Variants in MBNL2 observed in about 807,000 individuals in gnomAD.
MBNL2 encodes the protein muscleblind-like protein 2.
In MBNL2, 17 loss-of-function variants were observed where a neutral mutation model predicts 41.9. The ratio of observed to expected loss-of-function variants is 0.41; its 90% CI spans 0.28 to 0.61. The LOEUF (loss-of-function observed/expected upper bound fraction) is 0.61. Ranked by LOEUF, MBNL2 falls within the 20% of genes least tolerant of loss-of-function variation. The pLI is 0.35. For synonymous variants in MBNL2, 195 were observed against 182.9 expected, an observed-to-expected ratio of 1.07 and a Z score of -0.53; for missense variants, 336 against 505.6, an observed-to-expected ratio of 0.66 and a Z score of 3.22.
intron 2 of MBNL2, among the ~76,000 whole-genome samples, chr13:97,286,427 C>A (rs2054455165): frequency 6.6e-6 from 1 of 152,202 alleles, no homozygotes; most frequent in African/African-American, 2.4e-5. Context: ...TCACTTCTAT[C>A]ATGACCACCC....
upstream of MBNL2, among the ~76,000 whole-genome samples, chr13:97,218,268 G>A (rs565040568): frequency 6.6e-6 from 1 of 152,060 alleles, no homozygotes; most frequent in African/African-American, 2.4e-5. Flanking sequence ...AAATTAGCTG[G>A]GCGTGGTGGC....
the MBNL2 span, among the ~76,000 whole-genome samples, chr13:97,208,303 G>A: frequency 2.0e-5 from 3 of 152,136 alleles, no homozygotes; most frequent in Non-Finnish European, 4.4e-5. Flanking sequence ...GCAGGAAAAC[G>A]ATGAGAAAGA....
chr13:97,361,209 C>T (rs17190210), intron 7 of MBNL2, among the ~76,000 whole-genome samples: 33,517 of 152,046 alleles, frequency 0.22, 4,372 homozygotes, highest in Non-Finnish European at 0.3. Context: ...AGCATGTGCA[C>T]CAGGTGGTGG....
chr13:97,174,316 C>T, the MBNL2 span, among the ~76,000 whole-genome samples: 1 of 152,184 alleles, frequency 6.6e-6, no homozygotes, highest in African/African-American at 2.4e-5. Flanking sequence ...CTTCTGGTTA[C>T]ACAGAAAAGT....
chr13:97,382,123 T>A (rs2065503777), intron 8 of MBNL2, among the ~76,000 whole-genome samples: 1 of 152,220 alleles, frequency 6.6e-6, no homozygotes, highest in South Asian at 2.1e-4. Flanking sequence ...ATATTTTTTC[T>A]TGATTTAGTA....
At chr13:97,264,180 A>T (rs958697775) in intron 1 of MBNL2, among the ~76,000 whole-genome samples, 1 of 151,612 alleles carries the variant, frequency 6.6e-6, no homozygotes, top group Admixed American at 6.6e-5. Context: ...GGTTCCCGCC[A>T]CCACGCCCAG....
the MBNL2 span, among the ~76,000 whole-genome samples, chr13:97,208,740 C>T: frequency 1.3e-5 from 2 of 152,196 alleles, no homozygotes; most frequent in African/African-American, 4.8e-5. Context: ...CATTCACCTT[C>T]CTCAACCCTA....
chr13:97,147,229 T>C, the MBNL2 span, among the ~76,000 whole-genome samples: 1 of 152,226 alleles, frequency 6.6e-6, no homozygotes, highest in Non-Finnish European at 1.5e-5. Flanking sequence ...GTCTGTTCAC[T>C]TTATATTATT....
At chr13:97,317,077 T>A (rs1382892535) in intron 2 of MBNL2, among the ~76,000 whole-genome samples, 1 of 152,036 alleles carries the variant, frequency 6.6e-6, no homozygotes, top group African/African-American at 2.4e-5. Flanking sequence ...ACAATGCCAG[T>A]GGGAACGGAA....
the MBNL2 span, among the ~76,000 whole-genome samples, chr13:97,204,677 C>T: frequency 5.7e-4 from 87 of 152,098 alleles, no homozygotes; most frequent in African/African-American, 2.0e-3. Flanking sequence ...ATTTAGAAAA[C>T]GTTTTCTTCT....
chr13:97,151,426 G>A, the MBNL2 span, among the ~76,000 whole-genome samples: 20 of 152,208 alleles, frequency 1.3e-4, no homozygotes, highest in African/African-American at 4.8e-4. Flanking sequence ...TCTAGCATGG[G>A]AAAACACCAT....
chr13:97,337,413 T>C (rs2060979924), intron 3 of MBNL2, among the ~76,000 whole-genome samples: 1 of 152,186 alleles, frequency 6.6e-6, no homozygotes, highest in Non-Finnish European at 1.5e-5. Context: ...GATGAATCTC[T>C]CCTTTGTTAA....
At chr13:97,286,678 C>T (rs1021804081) in intron 2 of MBNL2, among the ~76,000 whole-genome samples, 1 of 152,228 alleles carries the variant, frequency 6.6e-6, no homozygotes, top group Admixed American at 6.5e-5. Context: ...CCCAGCCCCC[C>T]ACACTGTGCT....
intron 7 of MBNL2, among the ~76,000 whole-genome samples, chr13:97,364,358 T>A (rs1242225880): frequency 6.6e-6 from 1 of 152,160 alleles, no homozygotes; most frequent in Non-Finnish European, 1.5e-5. Context: ...CAGCCCCAAC[T>A]CTGCACTATT....
intron 1 of MBNL2, among the ~76,000 whole-genome samples, chr13:97,235,003 C>A (rs1231540709): frequency 6.6e-6 from 1 of 152,152 alleles, no homozygotes; most frequent in Non-Finnish European, 1.5e-5. Flanking sequence ...AAGGAGAAAC[C>A]AGGAAGGATT....
chr13:97,293,698 TCTG>T (rs2056559905), intron 2 of MBNL2, among the ~76,000 whole-genome samples: 1 of 152,240 alleles, frequency 6.6e-6, no homozygotes, highest in Non-Finnish European at 1.5e-5. Flanking sequence ...ACTGTGTTGT[TCTG>T]AGCTTAGTAT....
chr13:97,236,216 A>G lies in MBNL2; in HGVS notation c.-605+13685A>G, dbSNP rs138713428. Among the ~76,000 whole-genome samples the G allele has an allele frequency of 6.6e-5, 10 of 152,170 alleles. No homozygotes were observed. In the East Asian group the frequency reaches 1.9e-3, roughly 29 times the overall value. On this transcript the variant is annotated intron_variant, in intron 1 of 8. Coordinates refer to ENST00000679496, the MANE Select transcript of MBNL2 (RefSeq NM_001382683.1). ...GAAACACTTTTCTCCTACACACAAA[A>G]TTACTCCCTCACACACACTTTATTT...
chr13:97,391,479 C>T lies in MBNL2; in HGVS notation c.*30C>T, dbSNP rs760809287. On this transcript the variant is annotated 3_prime_UTR_variant, in exon 9 of 9. Coordinates refer to ENST00000679496, the MANE Select transcript of MBNL2 (RefSeq NM_001382683.1). ...AGATGTAGTTCTTCTGGACAGACCA[C>T]AACTCTAAGAAGCTAGTGCTGCTAT... 4 of 908,232 alleles carry T rather than the reference C, an allele frequency of 4.4e-6. No homozygotes were observed. Among genetic ancestry groups the T allele is most frequent in the Non-Finnish European group, 7.4e-6 (4 of 539,002 alleles). The allele number at this position is 908,232 out of a possible 1,614,324, so 56.3% of individuals were successfully genotyped here.
chr13:97,388,314 C>CATATATATATATATATATATATATAT (rs34389348), intron 8 of MBNL2, among the ~76,000 whole-genome samples: 318 of 139,558 alleles, frequency 2.3e-3, no homozygotes, highest in Middle Eastern at 8.0e-3. Context: ...TACATACATA[C>CATATATATATATATATATATATATAT]ATATATATAT....
Sources: allele counts gnomAD v4.1 joint callset (sites outside exome capture counted in the v4.1 genomes callset), GRCh38; gene constraint gnomAD v4.1.1; transcripts MANE v1.5; gene names NCBI Gene and HGNC (gene_info 2026-07-23, HGNC 2026-07-21).